Variants in DLG2 observed in about 807,000 individuals in gnomAD.
DLG2 encodes discs large MAGUK scaffold protein 2, also known as disks large homolog 2.
In DLG2, 45 loss-of-function variants were observed where a neutral mutation model predicts 132.5. The ratio of observed to expected loss-of-function variants is 0.34; its 90% CI spans 0.27 to 0.44. The LOEUF (loss-of-function observed/expected upper bound fraction) is 0.44. Among genes scored for constraint, DLG2 ranks in the 20% least tolerant of loss-of-function variants. The probability of loss-of-function intolerance (pLI) is 1.00; values close to 1 mark genes in which losing one functional copy is unlikely to be tolerated. For missense variants in DLG2, 1,045 were observed against 1,196.9 expected (o/e 0.87, Z 1.87); for synonymous variants, 424 against 419.6 (o/e 1.01, Z -0.13).
At chr11:84,213,924 TTGAA>T (rs1050264722) in intron 8 of DLG2, among the ~76,000 whole-genome samples, 27 of 151,294 alleles carry the variant, frequency 1.8e-4, no homozygotes, top group Non-Finnish European at 3.8e-4. Flanking sequence ...TTGCACTAGC[TTGAA>T]TGGAGGACTC....
At chr11:83,525,563 G>C (rs1330827048) in intron 21 of DLG2, among the ~76,000 whole-genome samples, 1 of 152,136 alleles carries the variant, frequency 6.6e-6, no homozygotes, top group African/African-American at 2.4e-5. Flanking sequence ...GTGTTAGAAG[G>C]CTTGGAATAA....
chr11:85,500,938 C>A (rs1307107254), intron 3 of DLG2, among the ~76,000 whole-genome samples: 1 of 152,124 alleles, frequency 6.6e-6, no homozygotes, highest in Non-Finnish European at 1.5e-5. Flanking sequence ...CATATGCAAC[C>A]ATAAAAGAGC....
chr11:83,921,130 C>A (rs2077805637), intron 15 of DLG2, among the ~76,000 whole-genome samples: 1 of 152,100 alleles, frequency 6.6e-6, no homozygotes, highest in East Asian at 1.9e-4. Flanking sequence ...ATAACACATA[C>A]CTCCCTGGGT....
chr11:84,650,865 GTGTGTGTGTA>G (rs1301133246), intron 6 of DLG2, among the ~76,000 whole-genome samples: 13 of 87,842 alleles, frequency 1.5e-4, no homozygotes, highest in African/African-American at 6.5e-4. Flanking sequence ...GTGTGTGTGT[GTGTGTGTGTA>G]TATATATATA....
At chr11:83,692,753 CA>C (rs2081204153) in intron 18 of DLG2, among the ~76,000 whole-genome samples, 1 of 152,138 alleles carries the variant, frequency 6.6e-6, no homozygotes, top group Non-Finnish European at 1.5e-5. Flanking sequence ...TCTGGTTCAC[CA>C]AACTCATTTC....
chr11:84,790,680 T>C (rs2073702017), intron 6 of DLG2, among the ~76,000 whole-genome samples: 1 of 152,116 alleles, frequency 6.6e-6, no homozygotes, highest in Non-Finnish European at 1.5e-5. Context: ...TCCTGGAGGG[T>C]TTCCCTTATG....
intron 10 of DLG2, among the ~76,000 whole-genome samples, chr11:84,080,043 C>T (rs2096881723): frequency 1.3e-5 from 2 of 152,194 alleles, no homozygotes; most frequent in Non-Finnish European, 2.9e-5. Context: ...ATTCATAGAA[C>T]TCCTTTTAAC....
intron 7 of DLG2, among the ~76,000 whole-genome samples, chr11:84,282,609 C>T (rs898543758): frequency 2.0e-5 from 3 of 152,122 alleles, no homozygotes; most frequent in South Asian, 2.1e-4. Context: ...TCATTTAATG[C>T]TGTAATCTTG....
In DLG2 at chr11:84,946,127, C is replaced by A. The variant is rs143425672; in HGVS notation, c.357+165534G>T. Among the ~76,000 whole-genome samples the A allele has an allele frequency of 2.6e-3, 401 of 152,272 alleles. 2 individuals are homozygous for A. The highest frequency in any genetic ancestry group is 9.5e-3 in the African/African-American group (396 of 41,568). On this transcript the variant is annotated intron_variant, in intron 6 of 27. Coordinates refer to ENST00000376104, the MANE Select transcript of DLG2 (RefSeq NM_001142699.3). ...TAAGGGCAGTATCCTCCCTTTGGCC[C>A]AGGATGGGACCAAACATTTCATCCA...
At chr11:83,910,562 T>C (rs2075863478) in intron 15 of DLG2, among the ~76,000 whole-genome samples, 1 of 152,138 alleles carries the variant, frequency 6.6e-6, no homozygotes, top group South Asian at 2.1e-4. Flanking sequence ...AAGGAAAATA[T>C]TAAATGTTCC....
chr11:84,952,390 G>A (rs1166875421), intron 6 of DLG2, among the ~76,000 whole-genome samples: 2 of 152,040 alleles, frequency 1.3e-5, no homozygotes, highest in African/African-American at 4.8e-5. Flanking sequence ...AGTGGCGGGC[G>A]CCTGTAGTCC....
At chr11:85,505,742 T>C (rs953550464) in intron 3 of DLG2, among the ~76,000 whole-genome samples, 2 of 152,190 alleles carry the variant, frequency 1.3e-5, no homozygotes, top group Non-Finnish European at 2.9e-5. Flanking sequence ...ATGAAATGAG[T>C]TAGGGAGGAT....
intron 12 of DLG2, among the ~76,000 whole-genome samples, chr11:83,974,913 A>T (rs1023084855): frequency 1.3e-5 from 2 of 152,026 alleles, no homozygotes; most frequent in Non-Finnish European, 1.5e-5. Context: ...AGAAAACACA[A>T]GAACTAATTC....
intron 3 of DLG2, among the ~76,000 whole-genome samples, chr11:85,409,335 A>G (rs887782935): frequency 6.6e-6 from 1 of 151,832 alleles, no homozygotes; most frequent in Non-Finnish European, 1.5e-5. Context: ...TATCCACGCT[A>G]TCTGGGCTCA....
At chr11:84,303,892 G>A (rs1318485196) in intron 7 of DLG2, among the ~76,000 whole-genome samples, 1 of 152,126 alleles carries the variant, frequency 6.6e-6, no homozygotes, top group Non-Finnish European at 1.5e-5. Flanking sequence ...AATTCAAACT[G>A]ATTGAGTGCC....
At chr11:84,565,045 G>T (rs1182208653) in intron 6 of DLG2, among the ~76,000 whole-genome samples, 1 of 151,986 alleles carries the variant, frequency 6.6e-6, no homozygotes, top group East Asian at 1.9e-4. Context: ...AATTCTTCCT[G>T]ATATTACTCC....
intron 9 of DLG2, among the ~76,000 whole-genome samples, chr11:84,154,075 G>A (rs1329701056): frequency 6.6e-6 from 1 of 152,286 alleles, no homozygotes; most frequent in African/African-American, 2.4e-5. Flanking sequence ...TCAGCTCACT[G>A]CAGCCTCTGC....
At chr11:85,113,020 T>C (rs1356652698) in intron 5 of DLG2, among the ~76,000 whole-genome samples, 2 of 152,204 alleles carry the variant, frequency 1.3e-5, no homozygotes, top group Middle Eastern at 3.4e-3. Context: ...GGTTGATCTA[T>C]TTTTAAGGCA....
intron 18 of DLG2, among the ~76,000 whole-genome samples, chr11:83,768,154 A>C (rs1011340760): frequency 6.6e-5 from 10 of 152,122 alleles, no homozygotes; most frequent in Non-Finnish European, 1.5e-4. Context: ...TTTTTTTCTT[A>C]TACAAAAGAA....
Sources: gnomAD v4.1 joint callset for allele counts (sites outside exome capture counted in the v4.1 genomes callset) on GRCh38, gnomAD v4.1.1 for gene constraint, MANE v1.5 for transcripts, NCBI Gene and HGNC (gene_info 2026-07-23, HGNC 2026-07-21) for gene names.